Variants in SHISA5 observed in about 807,000 individuals in gnomAD.
SHISA5 encodes the protein shisa family member 5, also known as protein shisa-5.
In SHISA5, 21 loss-of-function variants were observed where a neutral mutation model predicts 27.5. The observed-to-expected ratio is 0.76, with a 90% CI of 0.54 to 1.10. The LOEUF (loss-of-function observed/expected upper bound fraction) is 1.10. Ranked by LOEUF, SHISA5 falls within the 50% of genes least tolerant of loss-of-function variation. The pLI is 0.00. For missense variants in SHISA5, 314 were observed against 336.3 expected (o/e 0.93, Z 0.52); for synonymous variants, 137 against 142.2 (o/e 0.96, Z 0.26).
chr3:48,501,394 C>CAT (rs1491030711), intron 1 of SHISA5, 101 bp from the exon 2 acceptor site: 6 of 1,283,882 alleles, frequency 4.7e-6, no homozygotes, highest in Non-Finnish European at 6.5e-6. Context: ...CACACACACA[C>CAT]ATGCTGCACC....
Position 48,469,839 on chromosome 3 carries a change from C to T in SHISA5, c.319G>A (p.Gly107Arg), listed in dbSNP as rs1019977784. Residue 107 changes from glycine to arginine, a missense_variant, in exon 4 of 6, where the codon GGA becomes AGA. Transcript: ENST00000296444. The surrounding 1 kb of genome is among the most constrained non-coding windows in gnomAD (Gnocchi z 4.6). Reference sequence around the variant, plus strand: ...GTCAGGCCAACGGCCAAGGTCGCTCCGAACCTGCCAAAGAGCTAGACGTGA... The same window carrying T: ...GTCAGGCCAACGGCCAAGGTCGCTCTGAACCTGCCAAAGAGCTAGACGTGA... ...PGYNDPMSGF[G>R]ATLAVGLTIF... 7 of 1,612,960 alleles carry T rather than the reference C, an allele frequency of 4.3e-6. No homozygotes were observed. The highest frequency in any genetic ancestry group is 1.6e-4 in the Middle Eastern group (1 of 6,084).
In SHISA5 at chr3:48,469,526, G is replaced by A. The variant is rs768346224; in HGVS notation, c.478C>T (p.Pro160Ser). 6.2e-7 allele frequency: 1 copy of A among 1,613,580 alleles called. No individual in the cohort carries two copies. Among genetic ancestry groups the A allele is most frequent in the Non-Finnish European group, 8.5e-7 (1 of 1,179,712 alleles). Reference protein sequence around the residue: ...TSTTVVHAPYPQPPSVPPSYP... With the variant: ...TSTTVVHAPYSQPPSVPPSYP... ...CTGGGCGGCACACTTGGAGGCTGAGGATAAGGGGCATGCACCACAGTGGTG... is the reference window on the plus strand; with the variant it reads ...CTGGGCGGCACACTTGGAGGCTGAGAATAAGGGGCATGCACCACAGTGGTG... The change falls in exon 5 of 6, where the codon CCT (proline) becomes TCT (serine). Residue 160 changes from proline to serine, a missense_variant. Physicochemically the swap from Pro to Ser is moderately conservative, Grantham distance 74 (BLOSUM62 -1). Coordinates refer to ENST00000296444, the MANE Select transcript of SHISA5 (RefSeq NM_016479.6). The surrounding 1 kb of genome is among the most constrained non-coding windows in gnomAD (Gnocchi z 4.6).
At chr3:48,483,789 G>A (rs1428643616) in intron 2 of SHISA5, among the ~76,000 whole-genome samples, 6 of 150,266 alleles carry the variant, frequency 4.0e-5, no homozygotes, top group East Asian at 2.0e-4. Flanking sequence ...CCTCCCTCCC[G>A]GACGGGGCGG....
chr3:48,496,795 G>GA (rs2041567655), intron 2 of SHISA5, among the ~76,000 whole-genome samples: 1 of 149,818 alleles, frequency 6.7e-6, no homozygotes, highest in African/African-American at 2.4e-5. Flanking sequence ...AAAAACAAAG[G>GA]AAAAAATGAA....
At chr3:48,500,555 C>A (rs2041722830) in intron 2 of SHISA5, among the ~76,000 whole-genome samples, 1 of 152,100 alleles carries the variant, frequency 6.6e-6, no homozygotes, top group African/African-American at 2.4e-5. Context: ...ACCCTCTACA[C>A]CGAGGCCAAA....
At position 48,473,057 on chromosome 3, in the gene SHISA5, CT is replaced by C. The variant is rs113670805; in HGVS notation, c.315-3215del. 8.1e-3 allele frequency: 12,372 copies of C among 1,527,212 alleles called. 638 individuals carry two copies. In the African/African-American group the frequency reaches 0.13, roughly 16 times the overall value. The allele number at this position is 1,527,212 out of a possible 1,614,324, so 94.6% of individuals were successfully genotyped here. On this transcript the variant is annotated intron_variant, in intron 3 of 5. Transcript: ENST00000296444. The surrounding 1 kb of genome is among the most constrained non-coding windows in gnomAD (Gnocchi z 4.3). ...CCCAGAGGCCTCCTGTACCCCTGGGCTTTCCCCTCTTCCCATCGTGGGCCAC... is the reference window on the plus strand; with the variant it reads ...CCCAGAGGCCTCCTGTACCCCTGGGCTTCCCCTCTTCCCATCGTGGGCCAC...
chr3:48,483,742 A>G (rs2041104546), intron 2 of SHISA5, among the ~76,000 whole-genome samples: 2 of 148,106 alleles, frequency 1.4e-5, no homozygotes, highest in Admixed American at 6.6e-5. Flanking sequence ...TCCCTCCCGG[A>G]CGGGGCGGCT....
intron 2 of SHISA5, among the ~76,000 whole-genome samples, chr3:48,491,108 C>A (rs958588545): frequency 5.6e-5 from 7 of 125,342 alleles, no homozygotes; most frequent in Admixed American, 9.8e-5. Flanking sequence ...CCTTTCTGGA[C>A]CAAACCAATG....
intron 3 of SHISA5, chr3:48,472,883 G>A (rs1262560710): frequency 3.0e-6 from 3 of 1,008,452 alleles, no homozygotes; most frequent in Non-Finnish European, 4.5e-6. Context: ...CCAGAGGCAG[G>A]AATGGAGAAA....
At chr3:48,497,883 G>C (rs1187697619) in intron 2 of SHISA5, among the ~76,000 whole-genome samples, 1 of 134,040 alleles carries the variant, frequency 7.5e-6, no homozygotes, top group Non-Finnish European at 1.5e-5. Flanking sequence ...GAGTGAGACT[G>C]TCTCAAAAAA....
rs2040730684 is a variant in SHISA5 at position 48,473,928 on chromosome 3, T to C, written c.315-4085A>G. The stretch of plus-strand genomic sequence containing the variant: ...AAAAAATACAAAAATTAGCCAGGCT[T>C]GGTGGCACGCACCTGTAATCCCAGC... On this transcript the variant is annotated intron_variant, in intron 3 of 5. Transcript: ENST00000296444. The surrounding 1 kb of genome is among the most constrained non-coding windows in gnomAD (Gnocchi z 4.3). Among the ~76,000 whole-genome samples the C allele has an allele frequency of 6.7e-6, 1 of 149,604 alleles. No individual in the cohort carries two copies. Among genetic ancestry groups the C allele is most frequent in the Admixed American group, 6.7e-5 (1 of 14,848 alleles).
intron 2 of SHISA5, among the ~76,000 whole-genome samples, chr3:48,496,507 G>T (rs1436886151): frequency 6.6e-6 from 1 of 151,594 alleles, no homozygotes; most frequent in Non-Finnish European, 1.5e-5. Context: ...GAGGCGGATG[G>T]ATCACCTGAG....
At chr3:48,501,379 C>CCA (rs150025480) in intron 1 of SHISA5, 86 bp from the exon 2 acceptor site, 323 of 1,383,246 alleles carry the variant, frequency 2.3e-4, no homozygotes, top group Admixed American at 4.4e-4. Context: ...AGCCACCAGA[C>CCA]CACACACACA....
At position 48,470,125 on chromosome 3, in the gene SHISA5, T is replaced by G. The variant is rs564699401; in HGVS notation, c.315-282A>C. On this transcript the variant is annotated intron_variant, in intron 3 of 5. Coordinates refer to ENST00000296444, the MANE Select transcript of SHISA5 (RefSeq NM_016479.6). The surrounding 1 kb of genome is among the most constrained non-coding windows in gnomAD (Gnocchi z 4.3). ...GTCCCATGCCACACACATACATCTATCTTGTCCACCTCACAACCAACTGAT... is the reference window on the plus strand; with the variant it reads ...GTCCCATGCCACACACATACATCTAGCTTGTCCACCTCACAACCAACTGAT... 6.6e-6 allele frequency among the ~76,000 whole-genome samples: 1 copy of G among 152,262 alleles called. No homozygotes were observed. The highest frequency in any genetic ancestry group is 2.1e-4 in the South Asian group (1 of 4,828).
In SHISA5 at chr3:48,479,265, C is replaced by T. The variant is rs772274817; in HGVS notation, c.234-8G>A. On this transcript the variant is annotated splice_region_variant and splice_polypyrimidine_tract_variant and intron_variant, in intron 2 of 5. Coordinates refer to ENST00000296444, the MANE Select transcript of SHISA5 (RefSeq NM_016479.6). ...TCTACACTGGCAGGCACGCTGCAAA[C>T]AGGAAACCTTGTGATTAGCACAATG... 5.6e-5 allele frequency: 90 copies of T among 1,603,202 alleles called. No homozygotes were observed. In the South Asian group the frequency reaches 9.3e-4, roughly 17 times the overall value.
In SHISA5 at chr3:48,473,426, T is replaced by C. The variant is rs1330144890; in HGVS notation, c.315-3583A>G. The C allele has an allele frequency of 1.5e-6, 2 of 1,303,488 alleles. No homozygotes were observed. The highest frequency in any genetic ancestry group is 4.5e-5 in the Admixed American group (2 of 43,974). 80.7% of individuals were successfully genotyped at this position (1,303,488 alleles called of 1,614,324 possible). On this transcript the variant is annotated intron_variant, in intron 3 of 5. Transcript: ENST00000296444. This position sits in a 1 kb window ranked among gnomAD's most constrained non-coding sequence, Gnocchi z 4.3. ...CAGCACCCCCACCCCCACTTCCACC[T>C]AACCCACCGGCCCTGTTCCACCAGC...
chr3:48,477,157 C>CT (rs1183655931), intron 3 of SHISA5: 29 of 423,440 alleles, frequency 6.8e-5, no homozygotes, highest in South Asian at 1.4e-4. Flanking sequence ...TCTCCAACTC[C>CT]TTTTTTTTGT....
At chr3:48,483,267 G>C (rs2041083032) in intron 2 of SHISA5, among the ~76,000 whole-genome samples, 3 of 152,140 alleles carry the variant, frequency 2.0e-5, no homozygotes, top group African/African-American at 7.2e-5. Flanking sequence ...CTGGGTACTT[G>C]AGATTAGGGA....
chr3:48,502,013 A>T lies in SHISA5; in HGVS notation c.77-720T>A, dbSNP rs577646358. Reference sequence around the variant, plus strand: ...GTAGCTGGGATTACAGGTGCCTGCCACCAGGCCCAGCTAATTTTTTGTATT... The same window carrying T: ...GTAGCTGGGATTACAGGTGCCTGCCTCCAGGCCCAGCTAATTTTTTGTATT... On this transcript the variant is annotated intron_variant, in intron 1 of 5. Coordinates refer to ENST00000296444, the MANE Select transcript of SHISA5 (RefSeq NM_016479.6). 2.0e-5 allele frequency among the ~76,000 whole-genome samples: 3 copies of T among 152,228 alleles called. No individual in the cohort carries two copies. The South Asian group carries it at 6.2e-4, about 32-fold the overall frequency.
Sources: gnomAD v4.1 joint callset for allele counts (sites outside exome capture counted in the v4.1 genomes callset) on GRCh38, gnomAD v4.1.1 for gene constraint, Gnocchi (gnomAD v3.1) non-coding constraint, MANE v1.5 for transcripts, NCBI Gene and HGNC (gene_info 2026-07-23, HGNC 2026-07-21) for gene names.